The following ALDH1B1 variants were observed in gnomAD, a reference collection of about 807,000 sequenced individuals.
ALDH1B1 encodes aldehyde dehydrogenase family 1 member B1, mitochondrial.
A neutral mutation model predicts 26.2 loss-of-function variants in ALDH1B1; 19 were observed. The ratio of observed to expected loss-of-function variants is 0.72; its 90% confidence interval spans 0.51 to 1.06. The LOEUF (loss-of-function observed/expected upper bound fraction) is 1.06. Among genes scored for constraint, ALDH1B1 ranks in the 50% least tolerant of loss-of-function variants. The pLI, the probability that ALDH1B1 is intolerant of heterozygous loss-of-function variation, is 0.00. For missense variants in ALDH1B1, 671 were observed against 683.1 expected (o/e 0.98, Z 0.20); for synonymous variants, 249 against 286.0 (o/e 0.87, Z 1.31).
At position 38,392,780 on chromosome 9, in the gene ALDH1B1, C is replaced by G; in HGVS notation, c.-37C>G. 4.1e-6 allele frequency: 4 copies of G among 985,662 alleles called. No homozygotes were observed. The highest frequency in any genetic ancestry group is 3.6e-6 in the Non-Finnish European group (3 of 830,124). The allele number at this position is 985,662 out of a possible 1,614,324, so 61.1% of individuals were successfully genotyped here. A position where few individuals can be genotyped will look rare whatever the true frequency, so the allele number is the denominator to read the frequency against. Reference sequence around the variant, plus strand: ...GCCGGAACCAGAACCCAAGCGTGATCCTGAACCGGAGCCCGAGCCTGCTGC... The same window carrying G: ...GCCGGAACCAGAACCCAAGCGTGATGCTGAACCGGAGCCCGAGCCTGCTGC... On this transcript the variant is annotated 5_prime_UTR_variant, in exon 1 of 2. In the 5' UTR this introduces an upstream ATG that the reference lacks. Transcript: ENST00000377698.
At chr9:38,393,837 T>G (rs1821231373) in intron 1 of ALDH1B1, among the ~76,000 whole-genome samples, 1 of 151,126 alleles carries the variant, frequency 6.6e-6, no homozygotes, top group Non-Finnish European at 1.5e-5. Context: ...TTTTTTTTCA[T>G]TTTTCTCCTT....
Position 38,392,731 on chromosome 9 carries a change from G to C in ALDH1B1, c.-86G>C. The stretch of plus-strand genomic sequence containing the variant: ...GCGGGACCTGCGGCCAGCCCTGGGC[G>C]GCCATGTGGACAGAGCTGGGAGGGC... On this transcript the variant is annotated 5_prime_UTR_variant, in exon 1 of 2. Transcript: ENST00000377698. The C allele has an allele frequency of 1.0e-6, 1 of 985,610 alleles. No homozygotes were observed. Among genetic ancestry groups the C allele is most frequent in the African/African-American group, 1.7e-5 (1 of 57,374 alleles). 61.1% of individuals were successfully genotyped at this position (985,610 alleles called of 1,614,324 possible).
At position 38,396,325 on chromosome 9, in the gene ALDH1B1, G is replaced by T; in HGVS notation, c.577G>T (p.Gly193Cys). 1.9e-6 allele frequency: 3 copies of T among 1,612,822 alleles called. 1 individual carries two copies. The highest frequency in any genetic ancestry group is 2.2e-5 in the South Asian group (2 of 91,086). Residue 193 changes from glycine to cysteine, a missense_variant, in exon 2 of 2, where the codon GGT becomes TGT. Gly to Cys is a radical substitution (Grantham distance 159). Transcript: ENST00000377698. The part of the protein sequence containing the change: ...IPWNFPLVMQ[G>C]WKLAPALATG... ...GTGGAACTTCCCCTTGGTCATGCAG[G>T]GTTGGAAACTTGCCCCGGCACTCGC...
At chr9:38,394,239 A>G (rs920488183) in intron 1 of ALDH1B1, among the ~76,000 whole-genome samples, 1 of 152,182 alleles carries the variant, frequency 6.6e-6, no homozygotes, top group African/African-American at 2.4e-5. Flanking sequence ...GATTTTGAGC[A>G]TTATTCCTAA....
intron 1 of ALDH1B1, 59 bp from the exon 2 acceptor site, chr9:38,395,679 TTG>T: frequency 2.0e-6 from 3 of 1,514,198 alleles, no homozygotes; most frequent in Non-Finnish European, 1.8e-6. Context: ...TGGTGGGCCC[TTG>T]GGTACCGCCA....
In ALDH1B1 at chr9:38,396,357, C is replaced by T. The variant is rs778113285; in HGVS notation, c.609C>T (p.Gly203=). The change falls in exon 2 of 2, where the codon GGC becomes GGT. Residue 203 remains glycine, a synonymous_variant. Coordinates refer to ENST00000377698, the MANE Select transcript of ALDH1B1 (RefSeq NM_000692.5). ...GWKLAPALAT[G]NTVVMKVAEQ... ...AACTTGCCCCGGCACTCGCCACAGG[C>T]AACACTGTGGTTATGAAGGTGGCAG... 5 of 1,614,080 alleles carry T rather than the reference C, an allele frequency of 3.1e-6. No homozygotes were observed. Among genetic ancestry groups the T allele is most frequent in the Non-Finnish European group, 4.2e-6 (5 of 1,180,042 alleles).
Position 38,395,916 on chromosome 9 carries a change from G to A in ALDH1B1, c.168G>A (p.Thr56=), listed in dbSNP as rs768474170. 2.7e-5 allele frequency: 44 copies of A among 1,613,740 alleles called. No individual in the cohort carries two copies. Among genetic ancestry groups the A allele is most frequent in the East Asian group, 4.5e-5 (2 of 44,888 alleles). The change falls in exon 2 of 2, where the codon ACG becomes ACA. Residue 56 remains threonine, a synonymous_variant. Transcript: ENST00000377698. ...QDAVSKKTFP[T]VNPTTGEVIG... The stretch of plus-strand genomic sequence containing the variant: ...CAGTCAGCAAGAAGACCTTCCCGAC[G>A]GTCAACCCTACCACCGGGGAGGTCA...
In ALDH1B1 at chr9:38,396,790, G is replaced by T. The variant is rs761179854; in HGVS notation, c.1042G>T (p.Val348Leu). ...RTVEKAKQRKVGNPFELDTQQ... is the reference protein window; with the variant it reads ...RTVEKAKQRKLGNPFELDTQQ... ...CGTGGAGAAAGCAAAGCAGAGGAAA[G>T]TGGGGAACCCCTTTGAGCTGGACAC... Residue 348 changes from valine to leucine, a missense_variant, in exon 2 of 2, where the codon GTG becomes TTG. Coordinates refer to ENST00000377698, the MANE Select transcript of ALDH1B1 (RefSeq NM_000692.5). 1 of 1,614,254 alleles carries T rather than the reference G, an allele frequency of 6.2e-7. No homozygotes were observed. Among genetic ancestry groups the T allele is most frequent in the Non-Finnish European group, 8.5e-7 (1 of 1,180,046 alleles).
intron 1 of ALDH1B1, among the ~76,000 whole-genome samples, chr9:38,393,810 T>G (rs1037159247): frequency 2.8e-5 from 4 of 143,328 alleles, no homozygotes; most frequent in African/African-American, 1.0e-4. Flanking sequence ...TCTTTAATTC[T>G]TAGTATCCCC....
intron 1 of ALDH1B1, among the ~76,000 whole-genome samples, chr9:38,394,721 G>A (rs10973779): frequency 0.066 from 9,972 of 152,182 alleles, 629 homozygotes; most frequent in African/African-American, 0.16. Context: ...CCATTTTACC[G>A]CTGGGCGGAG....
At chr9:38,395,613 AG>A in intron 1 of ALDH1B1, 126 bp from the exon 2 acceptor site, 2 of 1,322,224 alleles carry the variant, frequency 1.5e-6, no homozygotes, top group South Asian at 1.6e-5. Flanking sequence ...CAGCTCTTAC[AG>A]TCTGTGTTTT....
chr9:38,395,277 CAGGCATACCTCT>C (rs1244806052), intron 1 of ALDH1B1, among the ~76,000 whole-genome samples: 2 of 152,200 alleles, frequency 1.3e-5, no homozygotes, highest in African/African-American at 2.4e-5. Context: ...TGCTCTGTAG[CAGGCATACCTCT>C]AGGCTCGGGG....
rs113083991 is a variant in ALDH1B1 at position 38,396,274 on chromosome 9, G to T, written c.526G>T (p.Val176Phe). The T allele has an allele frequency of 6.2e-7, 1 of 1,614,166 alleles. No homozygotes were observed. The highest frequency in any genetic ancestry group is 1.1e-5 in the South Asian group (1 of 91,082). ...TTTCTGCTTCACCCGGCATGAGCCC[G>T]TTGGTGTCTGTGGCCAGATCATCCC... ...QHFCFTRHEP[V>F]GVCGQIIPWN... The change falls in exon 2 of 2, where the codon GTT becomes TTT. Residue 176 changes from valine (V) to phenylalanine (F), a missense_variant. Physicochemically the swap from Val to Phe is conservative, Grantham distance 50. Coordinates refer to ENST00000377698, the MANE Select transcript of ALDH1B1 (RefSeq NM_000692.5).
chr9:38,396,360 C>T lies in ALDH1B1; in HGVS notation c.612C>T (p.Asn204=), dbSNP rs1374510524. ...TTGCCCCGGCACTCGCCACAGGCAA[C>T]ACTGTGGTTATGAAGGTGGCAGAGC... ...WKLAPALATG[N]TVVMKVAEQT... Residue 204 remains asparagine (N), a synonymous_variant, in exon 2 of 2, where the codon AAC becomes AAT. Transcript: ENST00000377698. 2.5e-6 allele frequency: 4 copies of T among 1,614,066 alleles called. No individual in the cohort carries two copies. Among genetic ancestry groups the T allele is most frequent in the African/African-American group, 2.7e-5 (2 of 74,948 alleles).
Position 38,396,998 on chromosome 9 carries a change from T to C in ALDH1B1, c.1250T>C (p.Ile417Thr). The C allele has an allele frequency of 6.2e-7, 1 of 1,614,050 alleles. No individual in the cohort carries two copies. The highest frequency in any genetic ancestry group is 1.3e-5 in the African/African-American group (1 of 75,004). The change falls in exon 2 of 2, where the codon ATC (isoleucine) becomes ACC (threonine). Residue 417 changes from isoleucine to threonine, a missense_variant. Coordinates refer to ENST00000377698, the MANE Select transcript of ALDH1B1 (RefSeq NM_000692.5). The stretch of plus-strand genomic sequence containing the variant: ...GACATGAGAATTGCCAAAGAGGAGA[T>C]CTTTGGGCCTGTGCAGCCCCTGTTC... ...QDDMRIAKEE[I>T]FGPVQPLFKF...
chr9:38,394,512 A>G, intron 1 of ALDH1B1: 1 of 847,976 alleles, frequency 1.2e-6, no homozygotes, highest in Non-Finnish European at 1.4e-6. Flanking sequence ...GGCTGGTCTC[A>G]AACTCCTGGC....
rs902006207 is a variant in ALDH1B1, at chr9:38,397,150, G to A, written c.1402G>A (p.Val468Met). ...YFTQALQAGT[V>M]WVNTYNIVTC... ...CACCCAGGCACTCCAGGCCGGGACC[G>A]TGTGGGTAAACACCTACAACATCGT... The change falls in exon 2 of 2, where the codon GTG becomes ATG. Residue 468 changes from valine to methionine, a missense_variant. Physicochemically the swap from Val to Met is conservative, Grantham distance 21. Coordinates refer to ENST00000377698, the MANE Select transcript of ALDH1B1 (RefSeq NM_000692.5). 1.1e-5 allele frequency: 18 copies of A among 1,614,050 alleles called. No individual in the cohort carries two copies. Among genetic ancestry groups the A allele is most frequent in the Non-Finnish European group, 1.4e-5 (17 of 1,180,040 alleles).
At position 38,396,558 on chromosome 9, in the gene ALDH1B1, C is replaced by G. The variant is rs139180363; in HGVS notation, c.810C>G (p.Ile270Met). Residue 270 changes from isoleucine to methionine, a missense_variant, in exon 2 of 2, where the codon ATC becomes ATG. Physicochemically the swap from Ile to Met is conservative, Grantham distance 10. Coordinates refer to ENST00000377698, the MANE Select transcript of ALDH1B1 (RefSeq NM_000692.5). ...FTGSTEVGHL[I>M]QKAAGDSNLK... Reference sequence around the variant, plus strand: ...GTTCCACCGAGGTGGGCCACCTGATCCAGAAAGCAGCTGGCGATTCCAACC... The same window carrying G: ...GTTCCACCGAGGTGGGCCACCTGATGCAGAAAGCAGCTGGCGATTCCAACC... 3.7e-6 allele frequency: 6 copies of G among 1,613,792 alleles called. No homozygotes were observed. The highest frequency in any genetic ancestry group is 1.3e-5 in the African/African-American group (1 of 74,932).
rs1355124379 is a variant in ALDH1B1, at chr9:38,398,657, G to A, written c.*1355G>A. ...AAAAATAAACGTATACATTCTGTGA[G>A]CAAATCCATTTTGTCTCCATATTGT... On this transcript the variant is annotated 3_prime_UTR_variant, in exon 2 of 2. Transcript: ENST00000377698. 6.0e-6 allele frequency: 1 copy of A among 166,228 alleles called. No homozygotes were observed. Among genetic ancestry groups the A allele is most frequent in the Non-Finnish European group, 1.5e-5 (1 of 67,978 alleles). The allele number at this position is 166,228 out of a possible 1,614,324, so 10.3% of individuals were successfully genotyped here. A position where few individuals can be genotyped will look rare whatever the true frequency, so the allele number is the denominator to read the frequency against.
Sources: allele counts gnomAD v4.1 joint callset (sites outside exome capture counted in the v4.1 genomes callset), GRCh38; gene constraint gnomAD v4.1.1; transcripts MANE v1.5; gene names NCBI Gene and HGNC (gene_info 2026-07-23, HGNC 2026-07-21).